Variants in SLC24A2 observed in about 807,000 individuals in gnomAD.
SLC24A2 encodes the protein solute carrier family 24 member 2, also known as sodium/potassium/calcium exchanger 2.
SLC24A2 carries 36 observed loss-of-function variants against 62.0 expected under a neutral mutation model. The observed-to-expected ratio is 0.58, with a 90% CI of 0.44 to 0.77. The LOEUF is 0.77. SLC24A2 is among the 30% of genes least tolerant of loss of function. The probability of loss-of-function intolerance (pLI) is 0.00; values close to 1 mark genes in which losing one functional copy is unlikely to be tolerated. For synonymous variants in SLC24A2, 358 were observed against 294.0 expected, an observed-to-expected ratio of 1.22 and a Z score of -2.23; for missense variants, 846 against 817.9, an observed-to-expected ratio of 1.03 and a Z score of -0.42.
the SLC24A2 span, among the ~76,000 whole-genome samples, chr9:20,016,732 C>T: frequency 6.6e-6 from 1 of 152,118 alleles, no homozygotes; most frequent in African/African-American, 2.4e-5. Context: ...CAACTACACA[C>T]ACACACAAAC....
At chr9:20,045,072 A>C in the SLC24A2 span, among the ~76,000 whole-genome samples, 1 of 152,220 alleles carries the variant, frequency 6.6e-6, no homozygotes, top group Non-Finnish European at 1.5e-5. Flanking sequence ...TGTATTAAAT[A>C]AAATGTATCA....
the SLC24A2 span, among the ~76,000 whole-genome samples, chr9:20,171,491 T>A: frequency 6.6e-6 from 1 of 152,006 alleles, no homozygotes; most frequent in African/African-American, 2.4e-5. Context: ...ACATAAGGAC[T>A]CACATAAACT....
At chr9:19,778,890 A>G (rs2118919385) in intron 2 of SLC24A2, among the ~76,000 whole-genome samples, 1 of 152,380 alleles carries the variant, frequency 6.6e-6, no homozygotes, top group African/African-American at 2.4e-5. Context: ...AATATACTTA[A>G]CATGTTTAGA....
chr9:19,877,250 G>A, the SLC24A2 span, among the ~76,000 whole-genome samples: 1 of 150,218 alleles, frequency 6.7e-6, no homozygotes, highest in East Asian at 2.0e-4. Context: ...GCAAGCTGGA[G>A]ACTGCCATTA....
At chr9:19,962,126 C>A in the SLC24A2 span, among the ~76,000 whole-genome samples, 1 of 152,178 alleles carries the variant, frequency 6.6e-6, no homozygotes, top group Non-Finnish European at 1.5e-5. Context: ...TCATTCATTC[C>A]ATGAACTTTT....
the SLC24A2 span, among the ~76,000 whole-genome samples, chr9:20,271,715 A>T: frequency 6.6e-6 from 1 of 152,316 alleles, no homozygotes; most frequent in East Asian, 1.9e-4. Flanking sequence ...ACACTATCCA[A>T]ATATTTTGTT....
the SLC24A2 span, among the ~76,000 whole-genome samples, chr9:19,966,923 C>G: frequency 1.3e-5 from 2 of 152,098 alleles, no homozygotes; most frequent in Non-Finnish European, 2.9e-5. Flanking sequence ...TTTGATATTA[C>G]TGTGAGACCA....
intron 2 of SLC24A2, among the ~76,000 whole-genome samples, chr9:19,781,334 G>C (rs1186873543): frequency 6.6e-6 from 1 of 152,162 alleles, no homozygotes; most frequent in Non-Finnish European, 1.5e-5. Context: ...AAGGAGGGAA[G>C]AGGAGAGGAA....
chr9:20,269,959 G>A, the SLC24A2 span, among the ~76,000 whole-genome samples: 2 of 152,180 alleles, frequency 1.3e-5, no homozygotes, highest in African/African-American at 4.8e-5. Context: ...AAGTCCAGGG[G>A]CATGGCCCTG....
chr9:20,137,264 TC>T, the SLC24A2 span, among the ~76,000 whole-genome samples: 39 of 152,294 alleles, frequency 2.6e-4, no homozygotes, highest in Admixed American at 1.0e-3. Flanking sequence ...ATTTAAAAGA[TC>T]ACTTGCATAG....
intron 8 of SLC24A2, among the ~76,000 whole-genome samples, chr9:19,535,906 G>A (rs537045342): frequency 2.0e-5 from 3 of 151,412 alleles, no homozygotes; most frequent in East Asian, 1.9e-4. Context: ...GATGGGGACA[G>A]CATTGAATCT....
At chr9:19,957,240 G>C in the SLC24A2 span, among the ~76,000 whole-genome samples, 1 of 150,928 alleles carries the variant, frequency 6.6e-6, no homozygotes, top group Admixed American at 6.6e-5. Context: ...AAAGCCAGTT[G>C]TGTCTCTAGA....
intron 7 of SLC24A2, among the ~76,000 whole-genome samples, chr9:19,557,152 A>G (rs185493896): frequency 6.6e-6 from 1 of 152,248 alleles, no homozygotes; most frequent in East Asian, 1.9e-4. Flanking sequence ...ATCTTCCCCT[A>G]TTCCACACTC....
the SLC24A2 span, among the ~76,000 whole-genome samples, chr9:19,920,752 G>T: frequency 5.3e-5 from 8 of 152,138 alleles, no homozygotes; most frequent in African/African-American, 1.4e-4. Flanking sequence ...TGGGCAGTAA[G>T]GGACGACACA....
chr9:19,905,632 C>A, the SLC24A2 span, among the ~76,000 whole-genome samples: 1 of 151,958 alleles, frequency 6.6e-6, no homozygotes. Context: ...AGGCTGCTCA[C>A]GAACTCCCAA....
chr9:20,168,192 G>T, the SLC24A2 span, among the ~76,000 whole-genome samples: 3 of 151,992 alleles, frequency 2.0e-5, no homozygotes, highest in Non-Finnish European at 4.4e-5. Flanking sequence ...AGGATTGAAA[G>T]AGAAAGATTA....
At chr9:19,655,635 T>G (rs1818922731) in intron 2 of SLC24A2, among the ~76,000 whole-genome samples, 1 of 152,200 alleles carries the variant, frequency 6.6e-6, no homozygotes, top group South Asian at 2.1e-4. Flanking sequence ...AAGGTATCAG[T>G]GCACTAATTG....
the SLC24A2 span, among the ~76,000 whole-genome samples, chr9:20,288,166 A>G: frequency 1.3e-5 from 2 of 152,194 alleles, no homozygotes; most frequent in South Asian, 4.1e-4. Context: ...TGCAACCATC[A>G]TCTGCTCATC....
chr9:20,139,148 A>G, the SLC24A2 span, among the ~76,000 whole-genome samples: 2 of 152,200 alleles, frequency 1.3e-5, no homozygotes, highest in Non-Finnish European at 1.5e-5. Flanking sequence ...TTTTGAAAGT[A>G]CAGCTAGTCT....
Sources: allele counts gnomAD v4.1 joint callset (sites outside exome capture counted in the v4.1 genomes callset), GRCh38; gene constraint gnomAD v4.1.1; transcripts MANE v1.5; gene names NCBI Gene and HGNC (gene_info 2026-07-23, HGNC 2026-07-21).